Variants in LTBP1 observed in about 807,000 individuals in gnomAD.
LTBP1 encodes the protein latent-transforming growth factor beta-binding protein 1.
A neutral mutation model predicts 207.6 loss-of-function variants in LTBP1; 129 were observed. The ratio of observed to expected loss-of-function variants is 0.62; its 90% CI spans 0.54 to 0.72. LTBP1 has a LOEUF of 0.72. LTBP1 is among the 30% of genes least tolerant of loss of function. LTBP1 has a pLI of 0.00. For missense variants in LTBP1, 2,281 were observed against 2,217.2 expected, an observed-to-expected ratio of 1.03 and a Z score of -0.58; for synonymous variants, 963 against 833.7, an observed-to-expected ratio of 1.16 and a Z score of -2.67.
At position 33,202,022 on chromosome 2, in the gene LTBP1, AACACACACAC is replaced by A. The variant is rs10558832; in HGVS notation, c.1701+13201_1701+13210del. ...CCTAAGCTCTAAAGCTTAGCACTGG[AACACACACAC>A]ACACACACACACACACACACACACA... On this transcript the variant is annotated intron_variant, in intron 7 of 33. Transcript: ENST00000404816. Among the ~76,000 whole-genome samples, 802 of 140,654 alleles carry A rather than the reference AACACACACAC, an allele frequency of 5.7e-3. 19 individuals are homozygous for A. The East Asian group carries it at 0.074, about 13-fold the overall frequency. The allele number at this position is 140,654 out of a possible 152,430, so 92.3% of individuals were successfully genotyped here. A position where few individuals can be genotyped will look rare whatever the true frequency, so the allele number is the denominator to read the frequency against.
chr2:33,280,828 G>A (rs1471876411), intron 19 of LTBP1, among the ~76,000 whole-genome samples: 1 of 152,138 alleles, frequency 6.6e-6, no homozygotes, highest in African/African-American at 2.4e-5. Flanking sequence ...CAGAACTTTG[G>A]AAGGCCGAGG....
intron 18 of LTBP1, among the ~76,000 whole-genome samples, chr2:33,278,645 C>T (rs901694359): frequency 1.3e-5 from 2 of 152,052 alleles, no homozygotes; most frequent in African/African-American, 2.4e-5. Context: ...TCTTGTATTG[C>T]TCAACATTGC....
chr2:33,282,163 A>G (rs1054019063), intron 19 of LTBP1, among the ~76,000 whole-genome samples: 3 of 151,934 alleles, frequency 2.0e-5, no homozygotes, highest in Non-Finnish European at 4.4e-5. Flanking sequence ...TAGAATCATA[A>G]GCAGAAATAT....
At chr2:33,331,660 A>G (rs932097662) in intron 24 of LTBP1, among the ~76,000 whole-genome samples, 3 of 152,092 alleles carry the variant, frequency 2.0e-5, no homozygotes, top group Admixed American at 6.6e-5. Flanking sequence ...GCTTGAAAAC[A>G]ATTTATATTA....
At chr2:33,145,514 C>T (rs958823510) in intron 5 of LTBP1, among the ~76,000 whole-genome samples, 1 of 152,114 alleles carries the variant, frequency 6.6e-6, no homozygotes, top group African/African-American at 2.4e-5. Flanking sequence ...AGGAAGTATC[C>T]TAGAGCATTC....
At chr2:33,155,062 C>T (rs1245998228) in intron 5 of LTBP1, among the ~76,000 whole-genome samples, 1 of 147,488 alleles carries the variant, frequency 6.8e-6, no homozygotes, top group Non-Finnish European at 1.5e-5. Context: ...GACTCCATCT[C>T]AAAACAAAAC....
rs796419323 is a variant in LTBP1, at chr2:33,316,706, T to G, written c.3730+1437T>G. Reference sequence around the variant, plus strand: ...TTCAAGTTTTATGTAAATTTTATATTTGGGGCTTTGAGACCAGAGCTTTTA... The same window carrying G: ...TTCAAGTTTTATGTAAATTTTATATGTGGGGCTTTGAGACCAGAGCTTTTA... On this transcript the variant is annotated intron_variant, in intron 24 of 33. Transcript: ENST00000404816. 6.8e-4 allele frequency among the ~76,000 whole-genome samples: 103 copies of G among 152,292 alleles called. 2 individuals carry two copies. The highest frequency in any genetic ancestry group is 2.4e-3 in the African/African-American group (101 of 41,552).
chr2:32,996,058 A>G (rs1315804774), intron 2 of LTBP1, among the ~76,000 whole-genome samples: 1 of 152,214 alleles, frequency 6.6e-6, no homozygotes, highest in African/African-American at 2.4e-5. Context: ...TATAGTTACC[A>G]AGAACATCTT....
chr2:32,982,830 A>G (rs376705955), intron 2 of LTBP1, among the ~76,000 whole-genome samples: 4 of 152,226 alleles, frequency 2.6e-5, no homozygotes, highest in Non-Finnish European at 5.9e-5. Context: ...CAAAGGATGT[A>G]TGGAAATGCC....
chr2:33,087,117 G>T (rs1353501914), intron 3 of LTBP1, among the ~76,000 whole-genome samples: 2 of 94,580 alleles, frequency 2.1e-5, no homozygotes, highest in African/African-American at 6.8e-5. Flanking sequence ...TTGGAGAAAG[G>T]GTCTTTCTCT....
chr2:33,024,940 C>A (rs528914873), intron 3 of LTBP1, among the ~76,000 whole-genome samples: 16 of 152,348 alleles, frequency 1.1e-4, no homozygotes, highest in Admixed American at 6.5e-4. Context: ...GCTGGGGAAT[C>A]CACTGCCAAG....
At chr2:33,165,103 C>A (rs2084806614) in intron 5 of LTBP1, among the ~76,000 whole-genome samples, 1 of 152,136 alleles carries the variant, frequency 6.6e-6, no homozygotes, top group African/African-American at 2.4e-5. Context: ...CATTCAGTTT[C>A]ATGATCTAAA....
In LTBP1 at chr2:33,017,834, T is replaced by A. The variant is rs375043034; in HGVS notation, c.566-3075T>A. On this transcript the variant is annotated intron_variant, in intron 2 of 33. Coordinates refer to ENST00000404816, the MANE Select transcript of LTBP1 (RefSeq NM_206943.4). The stretch of plus-strand genomic sequence containing the variant: ...GGTTTCACCGTGTTAACCAGGATGG[T>A]CTCAATCTCCTGACCTTGTGATCCG... Among the ~76,000 whole-genome samples the A allele has an allele frequency of 2.7e-4, 41 of 152,292 alleles. No individual in the cohort carries two copies. In the East Asian group the frequency reaches 7.2e-3, roughly 27 times the overall value.
intron 6 of LTBP1, among the ~76,000 whole-genome samples, chr2:33,188,197 G>A (rs2087414555): frequency 6.6e-6 from 1 of 152,142 alleles, no homozygotes; most frequent in African/African-American, 2.4e-5. Flanking sequence ...AAGGCAGGCG[G>A]ATCACCTGAG....
At chr2:33,273,819 A>G in intron 16 of LTBP1, 38 bp downstream of exon 16, 1 of 1,549,596 alleles carries the variant, frequency 6.5e-7, no homozygotes, top group Non-Finnish European at 8.7e-7. Context: ...ATTAAATATC[A>G]AACATTTGAA....
intron 26 of LTBP1, among the ~76,000 whole-genome samples, chr2:33,350,600 T>G (rs1380887225): frequency 6.6e-6 from 1 of 152,212 alleles, no homozygotes; most frequent in Non-Finnish European, 1.5e-5. Context: ...ACATATATAT[T>G]TTTTAGGTCT....
intron 3 of LTBP1, among the ~76,000 whole-genome samples, chr2:33,096,177 A>G (rs2079379099): frequency 6.6e-6 from 1 of 152,208 alleles, no homozygotes; most frequent in African/African-American, 2.4e-5. Flanking sequence ...AGTACAAATG[A>G]TCACTTCTCA....
At chr2:33,221,584 T>C in intron 8 of LTBP1, among the ~76,000 whole-genome samples, 1 of 152,228 alleles carries the variant, frequency 6.6e-6, no homozygotes, top group Admixed American at 6.5e-5. Context: ...ATCTCATGAC[T>C]GGGATACCCG....
At chr2:33,168,421 AAAG>A (rs1350908349) in intron 5 of LTBP1, among the ~76,000 whole-genome samples, 3 of 151,682 alleles carry the variant, frequency 2.0e-5, no homozygotes, top group Non-Finnish European at 4.4e-5. Context: ...AAAAAAGAAA[AAAG>A]AAAAAAAAGA....
Sources: allele counts gnomAD v4.1 joint callset (sites outside exome capture counted in the v4.1 genomes callset), GRCh38; gene constraint gnomAD v4.1.1; transcripts MANE v1.5; gene names NCBI Gene and HGNC (gene_info 2026-07-23, HGNC 2026-07-21).